Variants in CCDC40 observed in about 807,000 individuals in gnomAD.
The protein encoded by CCDC40 is coiled-coil domain-containing protein 40.
In CCDC40, 104 loss-of-function variants were observed where a neutral mutation model predicts 124.5. That is an observed-to-expected ratio of 0.84 (90% CI 0.71 to 0.98). The LOEUF (loss-of-function observed/expected upper bound fraction) is 0.98. Among genes scored for constraint, CCDC40 ranks in the 50% least tolerant of loss-of-function variants. CCDC40 has a pLI of 0.00. For synonymous variants in CCDC40, 580 were observed against 602.9 expected (o/e 0.96, Z 0.56); for missense variants, 1,463 against 1,503.9 (o/e 0.97, Z 0.45).
chr17:80,093,521 T>C (rs1222514295), intron 17 of CCDC40, among the ~76,000 whole-genome samples: 1 of 150,302 alleles, frequency 6.7e-6, no homozygotes, highest in African/African-American at 2.4e-5. Context: ...TATTTCTCTT[T>C]TTTTTTTTTT....
At chr17:80,097,569 C>CT in intron 19 of CCDC40, 166 bp downstream of exon 19, 1 of 670,192 alleles carries the variant, frequency 1.5e-6, no homozygotes, top group Non-Finnish European at 2.5e-6. Flanking sequence ...ATGTTTGTGG[C>CT]TTTGTGATTT....
intron 5 of CCDC40, 73 bp downstream of exon 5, chr17:80,048,834 C>A: frequency 7.9e-7 from 1 of 1,267,678 alleles, no homozygotes; most frequent in Non-Finnish European, 1.1e-6. Context: ...TCTCTGCCTG[C>A]ACTGTCTCCC....
At chr17:80,050,015 C>T (rs2037538457) in intron 6 of CCDC40, 26 bp downstream of exon 6, 1 of 1,613,586 alleles carries the variant, frequency 6.2e-7, no homozygotes, top group South Asian at 1.1e-5. Context: ...GTCTCCCACC[C>T]TGGTCGGATG....
intron 12 of CCDC40, among the ~76,000 whole-genome samples, chr17:80,082,360 G>A (rs930496275): frequency 2.0e-5 from 3 of 150,264 alleles, no homozygotes; most frequent in Non-Finnish European, 4.4e-5. Flanking sequence ...GCTCATGTTC[G>A]CATCCCCTGG....
In CCDC40 at chr17:80,047,272, G is replaced by A; in HGVS notation, c.553-7G>A. 1 of 1,613,862 alleles carries A rather than the reference G, an allele frequency of 6.2e-7. No individual in the cohort carries two copies. ...TGTTGACTTAGTTTTGGTTGTTCTTGCCATAGACAGGATCCACAGAGGAGC... is the reference window on the plus strand; with the variant it reads ...TGTTGACTTAGTTTTGGTTGTTCTTACCATAGACAGGATCCACAGAGGAGC... On this transcript the variant is annotated splice_polypyrimidine_tract_variant and splice_region_variant and intron_variant, in intron 3 of 19. Transcript: ENST00000397545.
chr17:80,066,386 A>C lies in CCDC40; in HGVS notation c.1562+780A>C. On this transcript the variant is annotated intron_variant, in intron 10 of 19. Transcript: ENST00000397545. This position sits in a 1 kb window ranked among gnomAD's most constrained non-coding sequence, Gnocchi z 4.4. ...CTTTTCCTTTTGGGTGCTGTGATTA[A>C]AGAAACAAAATGAAACCATTTTGTT... 1.8e-6 allele frequency: 1 copy of C among 556,216 alleles called. No homozygotes were observed. The highest frequency in any genetic ancestry group is 3.2e-6 in the Non-Finnish European group (1 of 312,956). The allele number at this position is 556,216 out of a possible 1,614,324, so 34.5% of individuals were successfully genotyped here.
intron 12 of CCDC40, 38 bp from the exon 13 acceptor site, chr17:80,084,705 G>A: frequency 1.2e-6 from 2 of 1,612,180 alleles, no homozygotes; most frequent in East Asian, 4.5e-5. Context: ...GCCTTGGGTG[G>A]GGGCAATATT....
intron 19 of CCDC40, 122 bp downstream of exon 19, chr17:80,097,525 TCC>T: frequency 3.0e-6 from 3 of 996,920 alleles, no homozygotes; most frequent in Non-Finnish European, 4.5e-6. Context: ...CCTCTCCTGA[TCC>T]CAGGCCAGTA....
chr17:80,097,363 T>C lies in CCDC40; in HGVS notation c.3140T>C (p.Leu1047Pro), dbSNP rs2038829195. Reference sequence around the variant, plus strand: ...GTGATTCAGGCAGACTTCGACACACTCGAGGCCGACCTCACCCGGCTTGGG... The same window carrying C: ...GTGATTCAGGCAGACTTCGACACACCCGAGGCCGACCTCACCCGGCTTGGG... ...LSVIQADFDT[L>P]EADLTRLGAL... Residue 1047 changes from leucine to proline, a missense_variant, in exon 19 of 20, where the codon CTC becomes CCC. By Grantham distance (98) the Leu-to-Pro change is moderately conservative. Transcript: ENST00000397545. 1 of 1,613,792 alleles carries C rather than the reference T, an allele frequency of 6.2e-7. No homozygotes were observed. Among genetic ancestry groups the C allele is most frequent in the African/African-American group, 1.3e-5 (1 of 74,918 alleles).
chr17:80,083,594 G>C (rs984936045), intron 12 of CCDC40, among the ~76,000 whole-genome samples: 2 of 152,214 alleles, frequency 1.3e-5, no homozygotes, highest in African/African-American at 4.8e-5. Context: ...AGAGGACCCT[G>C]TCCTGGTGGT....
intron 3 of CCDC40, among the ~76,000 whole-genome samples, chr17:80,046,532 C>CAATAATAATAATAATAATAATAATAAT (rs60431250): frequency 8.1e-5 from 12 of 147,382 alleles, no homozygotes; most frequent in African/African-American, 3.0e-4. Context: ...GACCCTTACT[C>CAATAATAATAATAATAATAATAATAAT]AATAATAATA....
At chr17:80,045,272 C>T (rs943968920) in intron 3 of CCDC40, among the ~76,000 whole-genome samples, 11 of 152,126 alleles carry the variant, frequency 7.2e-5, no homozygotes, top group South Asian at 2.1e-4. Flanking sequence ...GGGGTTATGG[C>T]GAGGGTGGCA....
intron 10 of CCDC40, among the ~76,000 whole-genome samples, chr17:80,080,448 T>C (rs1384264572): frequency 2.6e-5 from 4 of 152,220 alleles, no homozygotes; most frequent in Non-Finnish European, 5.9e-5. Context: ...ATCTGTGTTT[T>C]AGAGCTTGAC....
At chr17:80,089,362 TG>T (rs2038653350) in intron 16 of CCDC40, among the ~76,000 whole-genome samples, 1 of 152,228 alleles carries the variant, frequency 6.6e-6, no homozygotes, top group Non-Finnish European at 1.5e-5. Context: ...AAAAATTATC[TG>T]GGACCAATGC....
chr17:80,082,089 G>T, intron 12 of CCDC40, 31 bp downstream of exon 12: 1 of 1,601,088 alleles, frequency 6.2e-7, no homozygotes, highest in Non-Finnish European at 8.5e-7. Flanking sequence ...GGGGCTGTGC[G>T]AAGCCCCCTG....
rs200710012 is a variant in CCDC40, at chr17:80,048,602, C to T, written c.696C>T (p.Pro232=). The part of the protein sequence containing the change: ...SQEPVIPPGV[P]DAHPREGDLP... ...CCCCAGTGATCCCCCCAGGGGTGCC[C>T]GATGCCCACCCCAGGGAAGGAGACC... The change falls in exon 5 of 20, where the codon CCC becomes CCT. Residue 232 remains proline (P), a synonymous_variant. Coordinates refer to ENST00000397545, the MANE Select transcript of CCDC40 (RefSeq NM_017950.4). 7.6e-5 allele frequency: 122 copies of T among 1,613,690 alleles called. No individual in the cohort carries two copies. The highest frequency in any genetic ancestry group is 9.6e-5 in the Non-Finnish European group (113 of 1,179,946).
chr17:80,095,373 G>GGAC lies in CCDC40; in HGVS notation c.2944_2946dup (p.Asp982dup). 6.2e-7 allele frequency: 1 copy of GGAC among 1,614,140 alleles called. No homozygotes were observed. Among genetic ancestry groups the GGAC allele is most frequent in the Non-Finnish European group, 8.5e-7 (1 of 1,180,056 alleles). On this transcript the variant is annotated inframe_insertion, in exon 18 of 20. Transcript: ENST00000397545. ...CCCAGGCCGAGGGGCAGCGCAAGAT[G>GGAC]GACAGGAAGGCGCTCACCCGCACCG... is the stretch of plus-strand genomic sequence containing the variant.
At chr17:80,090,000 C>T (rs2038668863) in intron 17 of CCDC40, 116 bp downstream of exon 17, 1 of 1,542,840 alleles carries the variant, frequency 6.5e-7, no homozygotes, top group South Asian at 1.2e-5. Context: ...CCACACTGGC[C>T]ACATTGGCTG....
At position 80,087,572 on chromosome 17, in the gene CCDC40, G is replaced by A. The variant is rs1320658512; in HGVS notation, c.2450-35G>A. ...TGCGGGCGAGGACCCGTACCCTCCT[G>A]GGGTCTCTCCCTGAGTCTCTGTTTT... On this transcript the variant is annotated intron_variant, in intron 14 of 19. Transcript: ENST00000397545. The surrounding 1 kb of genome is among the most constrained non-coding windows in gnomAD (Gnocchi z 4.5). 6.2e-7 allele frequency: 1 copy of A among 1,600,954 alleles called. No individual in the cohort carries two copies. The highest frequency in any genetic ancestry group is 8.6e-7 in the Non-Finnish European group (1 of 1,168,518).
Sources: gnomAD v4.1 joint callset for allele counts (sites outside exome capture counted in the v4.1 genomes callset) on GRCh38, gnomAD v4.1.1 for gene constraint, Gnocchi (gnomAD v3.1) non-coding constraint, MANE v1.5 for transcripts, NCBI Gene and HGNC (gene_info 2026-07-23, HGNC 2026-07-21) for gene names.